Variants in PDIA6 observed in about 807,000 individuals in gnomAD.
PDIA6 encodes protein disulfide-isomerase A6.
PDIA6 carries 29 observed loss-of-function variants against 58.4 expected under a neutral mutation model. The ratio of observed to expected loss-of-function variants is 0.50; its 90% CI spans 0.37 to 0.68. The LOEUF (loss-of-function observed/expected upper bound fraction) is 0.68. Ranked by LOEUF, PDIA6 falls within the 30% of genes least tolerant of loss-of-function variation. The probability of loss-of-function intolerance (pLI) is 0.00; values close to 1 mark genes in which losing one functional copy is unlikely to be tolerated. For synonymous variants in PDIA6, 192 were observed against 202.6 expected, an observed-to-expected ratio of 0.95 and a Z score of 0.44; for missense variants, 480 against 551.0, an observed-to-expected ratio of 0.87 and a Z score of 1.29.
rs1020125963 is a variant in PDIA6, at chr2:10,793,194, T to C, written c.355A>G (p.Thr119Ala). 6.2e-7 allele frequency: 1 copy of C among 1,611,876 alleles called. No individual in the cohort carries two copies. Among genetic ancestry groups the C allele is most frequent in the Middle Eastern group, 1.7e-4 (1 of 6,056 alleles). ...GCAGCATCTACAATGGCTTCACCAGTTCTGCCACCTACAGGAGACGGAAGG... is the reference window on the plus strand; with the variant it reads ...GCAGCATCTACAATGGCTTCACCAGCTCTGCCACCTACAGGAGACGGAAGG... ...NRPEDYQGGR[T>A]GEAIVDAALS... Residue 119 changes from threonine (T) to alanine (A), a missense_variant, in exon 5 of 13, where the codon ACT (threonine) becomes GCT (alanine). Coordinates refer to ENST00000272227, the MANE Select transcript of PDIA6 (RefSeq NM_005742.4).
intron 1 of PDIA6, among the ~76,000 whole-genome samples, chr2:10,803,050 A>T (rs982047180): frequency 1.3e-5 from 2 of 152,226 alleles, no homozygotes; most frequent in Non-Finnish European, 2.9e-5. Context: ...TCCTCATGTT[A>T]TTCAGTTGCA....
At chr2:10,796,773 C>T (rs1195827033) in intron 4 of PDIA6, among the ~76,000 whole-genome samples, 1 of 152,180 alleles carries the variant, frequency 6.6e-6, no homozygotes, top group Non-Finnish European at 1.5e-5. Flanking sequence ...CAAGAAAATA[C>T]ATGTAGATCT....
chr2:10,804,846 C>G (rs1666666157), intron 1 of PDIA6, among the ~76,000 whole-genome samples: 1 of 137,076 alleles, frequency 7.3e-6, no homozygotes, highest in African/African-American at 2.6e-5. Context: ...CTTTTATTTC[C>G]TTGAGCAGTG....
intron 5 of PDIA6, 81 bp downstream of exon 5, chr2:10,793,015 A>T: frequency 1.1e-6 from 1 of 905,780 alleles, no homozygotes; most frequent in African/African-American, 1.6e-5. Flanking sequence ...ACATACTGTT[A>T]AAAAACAACT....
intron 1 of PDIA6, among the ~76,000 whole-genome samples, chr2:10,811,357 C>T (rs1666990896): frequency 6.6e-6 from 1 of 152,144 alleles, no homozygotes; most frequent in Non-Finnish European, 1.5e-5. Context: ...CAATGAGACC[C>T]TGACTCTACA....
chr2:10,806,591 A>G (rs1330391984), intron 1 of PDIA6, among the ~76,000 whole-genome samples: 2 of 117,746 alleles, frequency 1.7e-5, no homozygotes, highest in Non-Finnish European at 3.9e-5. Context: ...GCTGGCCAAC[A>G]CAGAATAGCA....
intron 5 of PDIA6, 91 bp from the exon 6 acceptor site, chr2:10,792,016 A>C: frequency 7.4e-7 from 1 of 1,348,580 alleles, no homozygotes. Flanking sequence ...CATCTTAACA[A>C]AGTTTTAGGG....
chr2:10,819,820 C>T (rs1667328301), intron 1 of PDIA6, among the ~76,000 whole-genome samples: 1 of 152,250 alleles, frequency 6.6e-6, no homozygotes, highest in Admixed American at 6.5e-5. Context: ...CCTTCTCCAA[C>T]ACCCTATGGT....
Position 10,788,760 on chromosome 2 carries a change from C to A in PDIA6, c.935G>T (p.Gly312Val). The change falls in exon 10 of 13, where the codon GGC becomes GTC. Residue 312 changes from glycine to valine, a missense_variant. By Grantham distance (109) the Gly-to-Val change is moderately radical. Coordinates refer to ENST00000272227, the MANE Select transcript of PDIA6 (RefSeq NM_005742.4). ...LPHILDTGAA[G>V]RNSYLEVLLK... is the part of the protein sequence containing the mutation. Reference sequence around the variant, plus strand: ...AAGAACTTCCAGATAAGAATTTCTGCCTGCAGCTCCTGATTTAAATAGACA... The same window carrying A: ...AAGAACTTCCAGATAAGAATTTCTGACTGCAGCTCCTGATTTAAATAGACA... 1 of 1,612,158 alleles carries A rather than the reference C, an allele frequency of 6.2e-7. No homozygotes were observed. The highest frequency in any genetic ancestry group is 1.1e-5 in the South Asian group (1 of 91,042).
At chr2:10,836,355 G>A (rs1667832277), upstream of PDIA6, among the ~76,000 whole-genome samples, 2 of 152,174 alleles carry the variant, frequency 1.3e-5, no homozygotes, top group African/African-American at 2.4e-5. Context: ...GCTCTGTGGT[G>A]TTATTTTATT....
At chr2:10,804,993 G>A (rs1666673170) in intron 1 of PDIA6, among the ~76,000 whole-genome samples, 1 of 151,350 alleles carries the variant, frequency 6.6e-6, no homozygotes, top group Admixed American at 6.6e-5. Flanking sequence ...GTATAAGAAT[G>A]CTTGTGATTT....
intron 1 of PDIA6, among the ~76,000 whole-genome samples, chr2:10,830,441 G>A (rs1667677973): frequency 1.3e-5 from 2 of 152,214 alleles, no homozygotes; most frequent in Admixed American, 1.3e-4. Context: ...TTTTCCTGCG[G>A]GCACAGCTAT....
chr2:10,788,608 C>T, intron 10 of PDIA6, 89 bp downstream of exon 10: 2 of 869,020 alleles, frequency 2.3e-6, no homozygotes, highest in African/African-American at 1.7e-5. Context: ...ACATAGAACA[C>T]AGCTTACAAA....
chr2:10,826,925 C>T (rs1667570626), intron 1 of PDIA6, among the ~76,000 whole-genome samples: 1 of 152,224 alleles, frequency 6.6e-6, no homozygotes, highest in Non-Finnish European at 1.5e-5. Flanking sequence ...CTGCCTCCAT[C>T]ACTGCAGTCT....
chr2:10,791,057 G>T (rs1666012672), intron 6 of PDIA6, among the ~76,000 whole-genome samples: 1 of 152,118 alleles, frequency 6.6e-6, no homozygotes, highest in African/African-American at 2.4e-5. Flanking sequence ...ATGTTGCCCA[G>T]GCTGGTCTCA....
intron 1 of PDIA6, among the ~76,000 whole-genome samples, chr2:10,826,690 T>C (rs1667565625): frequency 6.6e-6 from 1 of 152,170 alleles, no homozygotes; most frequent in Admixed American, 6.6e-5. Flanking sequence ...GTGAATCATA[T>C]GGTGTGTGGA....
At chr2:10,825,771 A>G (rs1043835566) in intron 1 of PDIA6, among the ~76,000 whole-genome samples, 3 of 152,246 alleles carry the variant, frequency 2.0e-5, no homozygotes, top group Non-Finnish European at 2.9e-5. Context: ...TCAAAACCAC[A>G]ATGAGAAATA....
Position 10,810,211 on chromosome 2 carries a change from C to T in PDIA6, c.19+2467G>A, listed in dbSNP as rs963591649. ...TCATGGTGCCCATTATTTCACAGAC[C>T]AGGAAACTTTAACACAGAAAGGATA... On this transcript the variant is annotated intron_variant, in intron 1 of 12. Coordinates refer to ENST00000272227, the MANE Select transcript of PDIA6 (RefSeq NM_005742.4). 8 of 1,124,020 alleles carry T rather than the reference C, an allele frequency of 7.1e-6. No homozygotes were observed. The African/African-American group carries it at 1.2e-4, about 17-fold the overall frequency. 69.6% of individuals were successfully genotyped at this position (1,124,020 alleles called of 1,614,324 possible). A position where few individuals can be genotyped will look rare whatever the true frequency, so the allele number is the denominator to read the frequency against.
rs182435924 is a variant in PDIA6 at position 10,817,807 on chromosome 2, G to A, written c.34+1467C>T. On this transcript the variant is annotated intron_variant, in intron 2 of 13. Coordinates refer to the PDIA6 transcript ENST00000381611. ...TCAGTGCCACCCTCCAACCTGGATGGCTCACCATGTAGCTGTTACTTTAGA... is the reference window on the plus strand; with the variant it reads ...TCAGTGCCACCCTCCAACCTGGATGACTCACCATGTAGCTGTTACTTTAGA... 7.9e-5 allele frequency among the ~76,000 whole-genome samples: 12 copies of A among 152,320 alleles called. No homozygotes were observed. In the East Asian group the frequency reaches 2.3e-3, roughly 29 times the overall value.
Sources: allele counts gnomAD v4.1 joint callset (sites outside exome capture counted in the v4.1 genomes callset), GRCh38; gene constraint gnomAD v4.1.1; transcripts MANE v1.5; gene names NCBI Gene and HGNC (gene_info 2026-07-23, HGNC 2026-07-21).